RAG1: variants seen among roughly 807,000 people sequenced by gnomAD.
The protein encoded by RAG1 is recombination activating 1.
RAG1 carries 35 observed loss-of-function variants against 62.7 expected under a neutral mutation model. That is an observed-to-expected ratio of 0.56 (90% CI 0.43 to 0.74). The LOEUF (loss-of-function observed/expected upper bound fraction) is 0.74. Among genes scored for constraint, RAG1 ranks in the 30% least tolerant of loss-of-function variants. RAG1 has a pLI of 0.00. For synonymous variants in RAG1, 461 were observed against 470.3 expected, an observed-to-expected ratio of 0.98 and a Z score of 0.26; for missense variants, 1,169 against 1,278.6, an observed-to-expected ratio of 0.91 and a Z score of 1.31.
In RAG1 at chr11:36,573,490, T is replaced by G. The variant is rs201625282; in HGVS notation, c.186T>G (p.Ser62=). 6.2e-7 allele frequency: 1 copy of G among 1,614,176 alleles called. No homozygotes were observed. Among genetic ancestry groups the G allele is most frequent in the Non-Finnish European group, 8.5e-7 (1 of 1,180,034 alleles). The change falls in exon 2 of 2, where the codon TCT becomes TCG. Residue 62 remains serine, a synonymous_variant. Transcript: ENST00000299440. ...AGGGGAAACCCTCTCTGGAGCAATC[T>G]CCAGCAGTCCTGGACAAGGCTGATG... The part of the protein sequence containing the change: ...SFEGKPSLEQ[S]PAVLDKADGQ...
rs746891973 is a variant in RAG1 at position 36,574,401 on chromosome 11, A to T, written c.1097A>T (p.Glu366Val). The change falls in exon 2 of 2, where the codon GAG (glutamate) becomes GTG (valine). Residue 366 changes from glutamate to valine, a missense_variant. Transcript: ENST00000299440. ...TGTCCAGCAAAAGAGTGCAATGAGG[A>T]GGTCAGTTTGGAAAAATATAATCAC... ...VKCPAKECNEEVSLEKYNHHI... is the reference protein window; with the variant it reads ...VKCPAKECNEVVSLEKYNHHI... 1 of 1,614,212 alleles carries T rather than the reference A, an allele frequency of 6.2e-7. No individual in the cohort carries two copies. The highest frequency in any genetic ancestry group is 1.7e-5 in the Admixed American group (1 of 60,028).
Position 36,573,282 on chromosome 11 carries a change from T to G in RAG1, c.-14-9T>G. 1 of 1,614,002 alleles carries G rather than the reference T, an allele frequency of 6.2e-7. No homozygotes were observed. The highest frequency in any genetic ancestry group is 2.2e-5 in the East Asian group (1 of 44,870). ...TGGTCTTAATATGACTTGTTTTCAT[T>G]GTTCTCAGGTACCTCAGCCAGCATG... On this transcript the variant is annotated splice_polypyrimidine_tract_variant and intron_variant, in intron 1 of 1. Transcript: ENST00000299440.
intron 2 of RAG1, among the ~76,000 whole-genome samples, chr11:36,527,912 A>G (rs1860190192): frequency 6.6e-6 from 1 of 152,092 alleles, no homozygotes; most frequent in South Asian, 2.1e-4. Context: ...TAATTTTTGC[A>G]CATTGATTTT....
chr11:36,544,282 G>A (rs558269212), intron 3 of RAG1, among the ~76,000 whole-genome samples: 6 of 152,272 alleles, frequency 3.9e-5, no homozygotes, highest in Admixed American at 1.3e-4. Flanking sequence ...AGAGAAGAAG[G>A]GGGATTATTA....
Position 36,574,064 on chromosome 11 carries a change from C to G in RAG1, c.760C>G (p.Gln254Glu). Reference protein sequence around the residue: ...RQARQHKRRAQARISSKDVMK... With the variant: ...RQARQHKRRAEARISSKDVMK... ...AGCCCGTCAGCACAAGAGAAGAGCT[C>G]AGGCAAGGATCAGCAGCAAGGATGT... Residue 254 changes from glutamine to glutamate, a missense_variant, in exon 2 of 2, where the codon CAG becomes GAG. Physicochemically the swap from Gln to Glu is conservative, Grantham distance 29 (BLOSUM62 2). Around this residue, in one of 2 missense-constraint regions of RAG1, gnomAD observed 369 missense variants for 335.3 expected, o/e 1.10. Coordinates refer to ENST00000299440, the MANE Select transcript of RAG1 (RefSeq NM_000448.3). 16 of 1,614,172 alleles carry G rather than the reference C, an allele frequency of 9.9e-6. No individual in the cohort carries two copies. The highest frequency in any genetic ancestry group is 1.3e-5 in the Non-Finnish European group (15 of 1,180,044).
At chr11:36,537,962 T>C (rs970863183), downstream of RAG1, among the ~76,000 whole-genome samples, 1 of 152,274 alleles carries the variant, frequency 6.6e-6, no homozygotes, top group Middle Eastern at 3.4e-3. Context: ...TAAAATTGTC[T>C]TTTAAAGCAT....
intron 3 of RAG1, among the ~76,000 whole-genome samples, chr11:36,549,878 A>G (rs1011812286): frequency 2.0e-5 from 3 of 152,242 alleles, no homozygotes; most frequent in South Asian, 2.1e-4. Flanking sequence ...AAGCCCATCA[A>G]TGATAGACTG....
chr11:36,573,341 T>G lies in RAG1; in HGVS notation c.37T>G (p.Ser13Ala), dbSNP rs760746448. Residue 13 changes from serine to alanine, a missense_variant, in exon 2 of 2, where the codon TCT becomes GCT. By Grantham distance (99) the Ser-to-Ala change is moderately conservative. Around this residue, in one of 2 missense-constraint regions of RAG1, gnomAD observed 369 missense variants for 335.3 expected, o/e 1.10. Coordinates refer to ENST00000299440, the MANE Select transcript of RAG1 (RefSeq NM_000448.3). Reference protein sequence around the residue: ...ASFPPTLGLSSAPDEIQHPHI... With the variant: ...ASFPPTLGLSAAPDEIQHPHI... The stretch of plus-strand genomic sequence containing the variant: ...TTTCCCACCCACCTTGGGACTCAGT[T>G]CTGCCCCAGATGAAATTCAGCACCC... The G allele has an allele frequency of 3.2e-5, 52 of 1,614,086 alleles. No individual in the cohort carries two copies. The Admixed American group carries it at 7.3e-4, about 23-fold the overall frequency.
chr11:36,576,087 A>C lies in RAG1; in HGVS notation c.2783A>C (p.Lys928Thr). Reference sequence around the variant, plus strand: ...GCTGAGCTCCTTTCTACGAAGTTCAAGTATAGGTATGAGGGAAAAATCACC... The same window carrying C: ...GCTGAGCTCCTTTCTACGAAGTTCACGTATAGGTATGAGGGAAAAATCACC... ...RFAELLSTKFKYRYEGKITNY... is the reference protein window; with the variant it reads ...RFAELLSTKFTYRYEGKITNY... The change falls in exon 2 of 2, where the codon AAG (lysine) becomes ACG (threonine). Residue 928 changes from lysine (K) to threonine (T), a missense_variant. Transcript: ENST00000299440. The C allele has an allele frequency of 6.2e-7, 1 of 1,614,036 alleles. No individual in the cohort carries two copies. The highest frequency in any genetic ancestry group is 8.5e-7 in the Non-Finnish European group (1 of 1,180,040).
rs1590702574 is a variant in RAG1, at chr11:36,574,208, G to A, written c.904G>A (p.Asp302Asn). The change falls in exon 2 of 2, where the codon GAC (aspartate) becomes AAC (asparagine). Residue 302 changes from aspartate to asparagine, a missense_variant. By Grantham distance (23) the Asp-to-Asn change is conservative. Transcript: ENST00000299440. ...CCAGATCTGTGAACACATTCTGGCT[G>A]ACCCTGTGGAGACCAACTGTAAGCA... ...SCQICEHILA[D>N]PVETNCKHVF... 2 of 1,614,082 alleles carry A rather than the reference G, an allele frequency of 1.2e-6. No individual in the cohort carries two copies. Among genetic ancestry groups the A allele is most frequent in the Non-Finnish European group, 8.5e-7 (1 of 1,180,054 alleles).
At chr11:36,526,580 C>A (rs1303522860) in intron 2 of RAG1, among the ~76,000 whole-genome samples, 1 of 152,100 alleles carries the variant, frequency 6.6e-6, no homozygotes, top group African/African-American at 2.4e-5. Flanking sequence ...GATTTATAAT[C>A]CTTTGGGTAT....
chr11:36,541,125 G>C (rs1323687157), intron 3 of RAG1, among the ~76,000 whole-genome samples: 1 of 152,174 alleles, frequency 6.6e-6, no homozygotes, highest in Non-Finnish European at 1.5e-5. Context: ...GAGGAAGGGT[G>C]GTGCTGAGCT....
chr11:36,525,880 T>A (rs980947580), intron 2 of RAG1, among the ~76,000 whole-genome samples: 1 of 152,178 alleles, frequency 6.6e-6, no homozygotes. Flanking sequence ...GTGTTTTGTA[T>A]GCTTTTCATT....
Position 36,550,367 on chromosome 11 carries a change from A to G in RAG1, c.-411-13018A>G, listed in dbSNP as rs145394582. Among the ~76,000 whole-genome samples the G allele has an allele frequency of 2.5e-3, 384 of 152,186 alleles. 6 individuals are homozygous for G. The highest frequency in any genetic ancestry group is 8.9e-3 in the African/African-American group (370 of 41,554). On this transcript the variant is annotated intron_variant and NMD_transcript_variant, in intron 3 of 9. Coordinates refer to the RAG1 transcript ENST00000534663. ...CAGGAATCCAAATTTGACCTACCCT[A>G]AGAGAAAAAAAGAGACTTATTTAGA...
Position 36,574,805 on chromosome 11 carries a change from C to G in RAG1, c.1501C>G (p.Gln501Glu), listed in dbSNP as rs769349662. Residue 501 changes from glutamine to glutamate, a missense_variant, in exon 2 of 2, where the codon CAG becomes GAG. By Grantham distance (29) the Gln-to-Glu change is conservative. Around this residue, in one of 2 missense-constraint regions of RAG1, gnomAD observed 800 missense variants for 943.3 expected, o/e 0.85. Transcript: ENST00000299440. The stretch of plus-strand genomic sequence containing the variant: ...AGCCATCACAGGGAGACAGATTTTT[C>G]AGCCTTTGCATGCCCTTCGGAATGC... The part of the protein sequence containing the change: ...VKAITGRQIF[Q>E]PLHALRNAEK... The G allele has an allele frequency of 3.7e-6, 6 of 1,614,218 alleles. No homozygotes were observed. The highest frequency in any genetic ancestry group is 5.1e-6 in the Non-Finnish European group (6 of 1,180,046).
intron 2 of RAG1, among the ~76,000 whole-genome samples, chr11:36,521,629 A>C (rs1438019114): frequency 6.6e-6 from 1 of 152,160 alleles, no homozygotes; most frequent in Admixed American, 6.5e-5. Flanking sequence ...AGATATCTGA[A>C]AATGGGGAAG....
chr11:36,558,936 T>C (rs371011223), intron 3 of RAG1, among the ~76,000 whole-genome samples: 14 of 152,326 alleles, frequency 9.2e-5, no homozygotes, highest in African/African-American at 2.9e-4. Flanking sequence ...GCTCTACTAG[T>C]GGGTTCTATA....
intron 2 of RAG1, among the ~76,000 whole-genome samples, chr11:36,522,788 C>A (rs1860102146): frequency 6.6e-6 from 1 of 152,362 alleles, no homozygotes; most frequent in East Asian, 1.9e-4. Context: ...TGAGTACCCA[C>A]CTCTTGCATC....
intron 2 of RAG1, among the ~76,000 whole-genome samples, chr11:36,520,615 A>G (rs1328609174): frequency 6.6e-6 from 1 of 152,104 alleles, no homozygotes; most frequent in African/African-American, 2.4e-5. Flanking sequence ...CATATATTTG[A>G]AAAAGGTTAC....
Sources: allele counts gnomAD v4.1 joint callset (sites outside exome capture counted in the v4.1 genomes callset), GRCh38; gene constraint gnomAD v4.1.1; regional missense constraint gnomAD v4.1.1; transcripts MANE v1.5; gene names NCBI Gene and HGNC (gene_info 2026-07-23, HGNC 2026-07-21).